Variants in SHTN1 observed in about 807,000 individuals in gnomAD.
SHTN1 encodes the protein shootin 1, also known as shootin-1.
Under a neutral mutation model 83.1 loss-of-function variants are expected in SHTN1, and 42 were observed. That is an observed-to-expected ratio of 0.51 (90% confidence interval 0.39 to 0.65). SHTN1 has a LOEUF of 0.65. SHTN1 is among the 30% of genes least tolerant of loss of function. The pLI, the probability that SHTN1 is intolerant of heterozygous loss-of-function variation, is 0.00. For synonymous variants in SHTN1, 224 were observed against 247.7 expected (o/e 0.90, Z 0.90); for missense variants, 622 against 737.8 (o/e 0.84, Z 1.82).
intron 9 of SHTN1, among the ~76,000 whole-genome samples, chr10:116,932,334 G>A (rs1849001413): frequency 1.3e-5 from 2 of 152,092 alleles, no homozygotes; most frequent in South Asian, 2.1e-4. Context: ...GATCAGCAGC[G>A]GCAACAGACT....
At chr10:116,897,461 A>G (rs1286764434) in intron 16 of SHTN1, among the ~76,000 whole-genome samples, 10 of 152,156 alleles carry the variant, frequency 6.6e-5, no homozygotes, top group African/African-American at 2.4e-4. Context: ...ACTTGCCTCA[A>G]TTTTGGATTA....
At chr10:116,996,801 A>G (rs1021095944) in intron 1 of SHTN1, among the ~76,000 whole-genome samples, 2 of 152,212 alleles carry the variant, frequency 1.3e-5, no homozygotes, top group Admixed American at 1.3e-4. Flanking sequence ...ATAAGATATG[A>G]GACAATATAC....
intron 1 of SHTN1, among the ~76,000 whole-genome samples, chr10:116,998,841 T>C (rs907614677): frequency 1.3e-5 from 2 of 152,214 alleles, no homozygotes; most frequent in African/African-American, 4.8e-5. Flanking sequence ...GCTCTAGATG[T>C]GCTCATTGAT....
At chr10:117,090,801 G>A (rs12268264) in intron 1 of SHTN1, among the ~76,000 whole-genome samples, 6 of 114,704 alleles carry the variant, frequency 5.2e-5, no homozygotes, top group Admixed American at 1.7e-4. Flanking sequence ...AAGGAAGGAA[G>A]GAAGGAAGGA....
intron 13 of SHTN1, 124 bp from the exon 14 acceptor site, chr10:116,911,967 T>A: frequency 1.4e-6 from 1 of 711,016 alleles, no homozygotes; most frequent in South Asian, 1.8e-5. Context: ...TATATATTTT[T>A]AAATTAGGAC....
At chr10:117,019,290 T>C (rs1852227982) in intron 2 of SHTN1, among the ~76,000 whole-genome samples, 1 of 151,960 alleles carries the variant, frequency 6.6e-6, no homozygotes, top group Non-Finnish European at 1.5e-5. Context: ...CTCAAGTGAT[T>C]CCACCATCTC....
intron 1 of SHTN1, among the ~76,000 whole-genome samples, chr10:117,065,862 G>A (rs1284759288): frequency 1.1e-4 from 12 of 105,272 alleles, no homozygotes; most frequent in African/African-American, 3.4e-4. Flanking sequence ...GGAAAGGAGG[G>A]AGGGAGGGAG....
intron 2 of SHTN1, among the ~76,000 whole-genome samples, chr10:117,027,659 C>A (rs773828904): frequency 6.6e-6 from 1 of 152,046 alleles, no homozygotes; most frequent in African/African-American, 2.4e-5. Flanking sequence ...CCACCACACC[C>A]AGCTAATTTT....
At chr10:116,953,931 G>C in intron 5 of SHTN1, 111 bp downstream of exon 5, 1 of 920,020 alleles carries the variant, frequency 1.1e-6, no homozygotes, top group Non-Finnish European at 1.6e-6. Context: ...GCCCTGCCTA[G>C]GCATCAGTAT....
At chr10:117,018,888 T>C (rs558462548) in intron 2 of SHTN1, among the ~76,000 whole-genome samples, 8 of 152,036 alleles carry the variant, frequency 5.3e-5, no homozygotes, top group Admixed American at 1.3e-4. Context: ...ACCACTTTTA[T>C]TGAACATCAT....
chr10:117,028,032 A>G (rs932924606), intron 2 of SHTN1, among the ~76,000 whole-genome samples: 2 of 152,302 alleles, frequency 1.3e-5, no homozygotes, highest in Non-Finnish European at 2.9e-5. Flanking sequence ...TGGTATTGAC[A>G]GTGAAATCCA....
At chr10:117,071,275 C>T (rs535922543) in intron 1 of SHTN1, among the ~76,000 whole-genome samples, 4 of 152,250 alleles carry the variant, frequency 2.6e-5, no homozygotes, top group East Asian at 3.9e-4. Flanking sequence ...ATTTGAAAGT[C>T]TATCTTCAGA....
intron 1 of SHTN1, among the ~76,000 whole-genome samples, chr10:117,125,559 C>A (rs916810661): frequency 6.6e-6 from 1 of 152,114 alleles, no homozygotes; most frequent in Non-Finnish European, 1.5e-5. Context: ...GAATAGAGAT[C>A]TTTAGTTTGG....
At chr10:116,931,513 T>C (rs1376321485) in intron 9 of SHTN1, among the ~76,000 whole-genome samples, 1 of 152,194 alleles carries the variant, frequency 6.6e-6, no homozygotes. Flanking sequence ...CCTCCCAAGG[T>C]GCTGAGATTA....
At chr10:117,030,172 C>T (rs1405219444) in intron 2 of SHTN1, among the ~76,000 whole-genome samples, 2 of 152,168 alleles carry the variant, frequency 1.3e-5, no homozygotes, top group Admixed American at 6.5e-5. Flanking sequence ...CAGGCATAAG[C>T]CACCATGCCC....
intron 14 of SHTN1, chr10:116,907,835 A>C (rs2531690): frequency 0.61 from 312,174 of 509,112 alleles, 102,759 homozygotes; most frequent in Non-Finnish European, 0.7. Context: ...TTGTCCACCA[A>C]GGCTAATAAT....
chr10:117,076,679 C>A (rs1853160112), intron 1 of SHTN1, among the ~76,000 whole-genome samples: 2 of 152,158 alleles, frequency 1.3e-5, no homozygotes, highest in Admixed American at 6.5e-5. Context: ...TATTTTGAAT[C>A]TCTGGCTCAA....
chr10:116,993,020 T>TC (rs1296159870), intron 1 of SHTN1, among the ~76,000 whole-genome samples: 8 of 141,914 alleles, frequency 5.6e-5, no homozygotes, highest in Non-Finnish European at 9.2e-5. Flanking sequence ...TTTTTTTCTT[T>TC]TTTTTTTTTT....
At chr10:116,963,069 T>G (rs1850248863) in intron 3 of SHTN1, among the ~76,000 whole-genome samples, 3 of 77,688 alleles carry the variant, frequency 3.9e-5, no homozygotes, top group African/African-American at 2.3e-4. Flanking sequence ...TTTTTTTTTT[T>G]TTTTTTTTTT....
Sources: gnomAD v4.1 joint callset for allele counts (sites outside exome capture counted in the v4.1 genomes callset) on GRCh38, gnomAD v4.1.1 for gene constraint, MANE v1.5 for transcripts, NCBI Gene and HGNC (gene_info 2026-07-23, HGNC 2026-07-21) for gene names.